The following NAV2 variants were observed in gnomAD, a reference collection of about 807,000 sequenced individuals.
NAV2 encodes the protein helicase, APC down-regulated 1.
A neutral mutation model predicts 223.2 loss-of-function variants in NAV2; 54 were observed. The ratio of observed to expected loss-of-function variants is 0.24; its 90% CI spans 0.19 to 0.30. NAV2 has a LOEUF of 0.30. Ranked by LOEUF, NAV2 falls within the 10% of genes least tolerant of loss-of-function variation. NAV2 has a pLI of 1.00. For missense variants in NAV2, 2,806 were observed against 3,147.5 expected (o/e 0.89, Z 2.60); for synonymous variants, 1,279 against 1,239.3 (o/e 1.03, Z -0.67).
intron 11 of NAV2, among the ~76,000 whole-genome samples, chr11:19,987,062 A>G (rs2050856895): frequency 1.3e-5 from 2 of 152,232 alleles, no homozygotes; most frequent in Admixed American, 6.5e-5. Context: ...AAAACTTACA[A>G]CTAGCACATC....
In NAV2 at chr11:19,730,432, G is replaced by A. The variant is rs73427798; in HGVS notation, c.267+16470G>A. Among the ~76,000 whole-genome samples the A allele has an allele frequency of 3.0e-3, 457 of 152,326 alleles. 5 individuals carry two copies. Among genetic ancestry groups the A allele is most frequent in the African/African-American group, 0.01 (430 of 41,580 alleles). ...GGGCTTGTTGCAAAGCCCCTGAATGGACCCATTGAGGCTCCAGGGCAGGAT... is the reference window on the plus strand; with the variant it reads ...GGGCTTGTTGCAAAGCCCCTGAATGAACCCATTGAGGCTCCAGGGCAGGAT... On this transcript the variant is annotated intron_variant, in intron 1 of 37. Coordinates refer to ENST00000349880, the MANE Select transcript of NAV2 (RefSeq NM_145117.5).
chr11:19,833,448 T>C (rs1263375516), intron 2 of NAV2, among the ~76,000 whole-genome samples: 1 of 152,216 alleles, frequency 6.6e-6, no homozygotes, highest in Admixed American at 6.5e-5. Context: ...ACACAGAAGG[T>C]TGGCCTTAGC....
intron 1 of NAV2, among the ~76,000 whole-genome samples, chr11:19,430,391 G>T (rs537934071): frequency 5.3e-5 from 8 of 152,178 alleles, no homozygotes; most frequent in African/African-American, 1.9e-4. Context: ...GTCCCCTCTC[G>T]CATAGCCTCC....
At chr11:19,961,845 T>C (rs145547941) in intron 10 of NAV2, among the ~76,000 whole-genome samples, 122 of 152,160 alleles carry the variant, frequency 8.0e-4, no homozygotes, top group Non-Finnish European at 1.2e-3. Context: ...GAAGATGATG[T>C]CAGGCACAAC....
intron 1 of NAV2, among the ~76,000 whole-genome samples, chr11:19,812,551 A>G (rs1359758233): frequency 6.6e-6 from 1 of 152,114 alleles, no homozygotes; most frequent in African/African-American, 2.4e-5. Context: ...TATGTGCTCA[A>G]TAAATACCTG....
chr11:19,948,834 T>C lies in NAV2; in HGVS notation c.2399T>C (p.Met800Thr). 1.2e-6 allele frequency: 2 copies of C among 1,614,000 alleles called. No homozygotes were observed. Among genetic ancestry groups the C allele is most frequent in the Non-Finnish European group, 1.7e-6 (2 of 1,179,996 alleles). The change falls in exon 10 of 38, where the codon ATG (methionine) becomes ACG (threonine). Residue 800 changes from methionine to threonine, a missense_variant. By Grantham distance (81) the Met-to-Thr change is moderately conservative (BLOSUM62 -1). Transcript: ENST00000349880. ...CTCCAAGCAGGAGACGCCCCCTCAATGGGCAATGGGTATCCCCCTCGAGCC... is the reference window on the plus strand; with the variant it reads ...CTCCAAGCAGGAGACGCCCCCTCAACGGGCAATGGGTATCCCCCTCGAGCC... The part of the protein sequence containing the change: ...PRLQAGDAPS[M>T]GNGYPPRANA...
In NAV2 at chr11:19,736,614, T is replaced by G. The variant is rs79877553; in HGVS notation, c.267+22652T>G. On this transcript the variant is annotated intron_variant, in intron 1 of 37. Coordinates refer to ENST00000349880, the MANE Select transcript of NAV2 (RefSeq NM_145117.5). ...CTGCCACAATGCTCCTGCACTGAAG[T>G]GCTCACATTTTGCTCCATATGTGAG... is the stretch of plus-strand genomic sequence containing the variant. 9.1e-4 allele frequency among the ~76,000 whole-genome samples: 138 copies of G among 152,318 alleles called. 2 individuals carry two copies. The East Asian group carries it at 0.02, about 23-fold the overall frequency.
intron 11 of NAV2, among the ~76,000 whole-genome samples, chr11:20,034,989 G>C (rs2056210923): frequency 1.3e-5 from 2 of 152,130 alleles, no homozygotes; most frequent in Admixed American, 6.5e-5. Context: ...GGGGTAGGAG[G>C]CAAGCTCAGA....
At chr11:19,810,559 G>A (rs1330941894) in intron 1 of NAV2, among the ~76,000 whole-genome samples, 1 of 152,202 alleles carries the variant, frequency 6.6e-6, no homozygotes, top group Non-Finnish European at 1.5e-5. Context: ...AGATCAGTAT[G>A]TAATTTATAC....
intron 10 of NAV2, among the ~76,000 whole-genome samples, chr11:19,972,973 A>T (rs1461556951): frequency 1.3e-5 from 2 of 152,164 alleles, no homozygotes; most frequent in African/African-American, 4.8e-5. Context: ...GTGCTTCCAG[A>T]AATCTAGTTG....
At chr11:19,858,772 T>A (rs148803746) in intron 3 of NAV2, among the ~76,000 whole-genome samples, 2 of 152,228 alleles carry the variant, frequency 1.3e-5, no homozygotes, top group Admixed American at 1.3e-4. Flanking sequence ...TAAAAATGAA[T>A]GCTAGTGACA....
chr11:19,949,395 A>G (rs1032532954), intron 10 of NAV2, among the ~76,000 whole-genome samples: 3 of 152,234 alleles, frequency 2.0e-5, no homozygotes, highest in South Asian at 2.1e-4. Context: ...CCCCGGGCCT[A>G]TGAGATCTGG....
intron 12 of NAV2, among the ~76,000 whole-genome samples, chr11:20,042,157 G>A (rs936558897): frequency 6.6e-6 from 1 of 152,220 alleles, no homozygotes; most frequent in African/African-American, 2.4e-5. Flanking sequence ...GAAGGAAACT[G>A]ACCTGAGGTA....
At chr11:19,439,450 G>C (rs900770679) in intron 1 of NAV2, among the ~76,000 whole-genome samples, 7 of 151,998 alleles carry the variant, frequency 4.6e-5, no homozygotes, top group Non-Finnish European at 1.0e-4. Flanking sequence ...TAATCACACC[G>C]GTCCTTAGAA....
At position 19,377,796 on chromosome 11, in the gene NAV2, G is replaced by A. The variant is rs113365273; in HGVS notation, c.75+26769G>A. Among the ~76,000 whole-genome samples, 1,472 of 152,288 alleles carry A rather than the reference G, an allele frequency of 9.7e-3. 10 individuals carry two copies. The highest frequency in any genetic ancestry group is 0.014 in the Non-Finnish European group (956 of 68,016). The stretch of plus-strand genomic sequence containing the variant: ...AGGTCTCCTGCTTCCCAGGGCAAAG[G>A]TTCTGCCATTCCATGAAAATTCCCA... On this transcript the variant is annotated intron_variant, in intron 1 of 37. Transcript: ENST00000360655.
intron 1 of NAV2, among the ~76,000 whole-genome samples, chr11:19,534,248 T>C (rs2134455473): frequency 6.6e-6 from 1 of 152,232 alleles, no homozygotes; most frequent in South Asian, 2.1e-4. Context: ...TTATTGCTTG[T>C]CTCCCCCATT....
At chr11:19,770,681 G>C (rs1258197739) in intron 1 of NAV2, among the ~76,000 whole-genome samples, 1 of 152,142 alleles carries the variant, frequency 6.6e-6, no homozygotes, top group Non-Finnish European at 1.5e-5. Context: ...TTACCCTGGA[G>C]CTTTCAAATT....
At chr11:20,088,045 A>T (rs1036607216) in intron 26 of NAV2, among the ~76,000 whole-genome samples, 3 of 152,156 alleles carry the variant, frequency 2.0e-5, no homozygotes, top group Non-Finnish European at 4.4e-5. Flanking sequence ...AGCAGAGGTA[A>T]CATGTTAAGT....
Position 20,101,118 on chromosome 11 carries a change from G to T in NAV2, c.6363G>T (p.Arg2121=), listed in dbSNP as rs2061605793. The change falls in exon 32 of 38, where the codon CGG becomes CGT. Residue 2121 remains arginine, a synonymous_variant. Transcript: ENST00000349880. The part of the protein sequence containing the change: ...LSEYIVLREG[R]ELTDGVIATF... ...AGTATATAGTGCTTCGAGAGGGACG[G>T]GAGTTGACAGACGGGGTTATCGCCA... 6.2e-7 allele frequency: 1 copy of T among 1,614,022 alleles called. No homozygotes were observed. Among genetic ancestry groups the T allele is most frequent in the South Asian group, 1.1e-5 (1 of 91,084 alleles).
Sources: gnomAD v4.1 joint callset for allele counts (sites outside exome capture counted in the v4.1 genomes callset) on GRCh38, gnomAD v4.1.1 for gene constraint, MANE v1.5 for transcripts, NCBI Gene and HGNC (gene_info 2026-07-23, HGNC 2026-07-21) for gene names.